LEPR: variants seen among roughly 807,000 people sequenced by gnomAD.
The protein encoded by LEPR is OB receptor.
A neutral mutation model predicts 114.7 loss-of-function variants in LEPR; 56 were observed. The ratio of observed to expected loss-of-function variants is 0.49; its 90% CI spans 0.39 to 0.61. The LOEUF (loss-of-function observed/expected upper bound fraction) is 0.61. Ranked by LOEUF, LEPR falls within the 20% of genes least tolerant of loss-of-function variation. LEPR has a pLI of 0.00. For synonymous variants in LEPR, 443 were observed against 461.4 expected (o/e 0.96, Z 0.51); for missense variants, 1,202 against 1,352.9 (o/e 0.89, Z 1.75).
At chr1:65,554,311 A>ACATT in intron 2 of LEPR, among the ~76,000 whole-genome samples, 1 of 152,142 alleles carries the variant, frequency 6.6e-6, no homozygotes, top group African/African-American at 2.4e-5. Flanking sequence ...GTCCACAGCC[A>ACATT]CATTCTTCCC....
At chr1:65,440,592 A>C (rs928468486) in intron 2 of LEPR, among the ~76,000 whole-genome samples, 6 of 152,170 alleles carry the variant, frequency 3.9e-5, no homozygotes, top group Non-Finnish European at 7.3e-5. Flanking sequence ...GGAGGCGGCA[A>C]TGGGCAAGAT....
At chr1:65,565,670 A>G (rs1014974219) in intron 3 of LEPR, 65 bp downstream of exon 3, 3 of 1,562,886 alleles carry the variant, frequency 1.9e-6, no homozygotes, top group Non-Finnish European at 2.6e-6. Context: ...GCCTTTAGAG[A>G]TGCTGTTTTA....
At chr1:65,434,297 A>G (rs1646528186) in intron 2 of LEPR, 1 of 984,258 alleles carries the variant, frequency 1.0e-6, no homozygotes, top group Middle Eastern at 5.2e-4. Flanking sequence ...CAAATGTTGG[A>G]CATTTTTTTC....
In LEPR at chr1:65,420,679, GC is replaced by G; in HGVS notation, c.-156del. The G allele has an allele frequency of 6.4e-7, 1 of 1,565,090 alleles. No homozygotes were observed. The stretch of plus-strand genomic sequence containing the variant: ...GGTCTGGCTTGGGCAGGCTGCCCGG[GC>G]CGTGGCAGGAAGCCGGAAGCAGCCG... On this transcript the variant is annotated 5_prime_UTR_variant, in exon 1 of 20. Coordinates refer to ENST00000349533, the MANE Select transcript of LEPR (RefSeq NM_002303.6).
At chr1:65,490,122 A>G (rs1647786360) in intron 2 of LEPR, among the ~76,000 whole-genome samples, 1 of 152,046 alleles carries the variant, frequency 6.6e-6, no homozygotes, top group Non-Finnish European at 1.5e-5. Context: ...GATTATAGTG[A>G]TTACTGTGAG....
intron 2 of LEPR, among the ~76,000 whole-genome samples, chr1:65,440,369 T>A (rs976359825): frequency 6.6e-6 from 1 of 151,976 alleles, no homozygotes; most frequent in Non-Finnish European, 1.5e-5. Context: ...CTTTTTTTTT[T>A]TTTGGTAGGG....
intron 2 of LEPR, among the ~76,000 whole-genome samples, chr1:65,469,134 C>G (rs1647052209): frequency 6.6e-6 from 1 of 152,122 alleles, no homozygotes; most frequent in Non-Finnish European, 1.5e-5. Flanking sequence ...GCACACAGTC[C>G]ATACCACCAG....
intron 14 of LEPR, among the ~76,000 whole-genome samples, chr1:65,611,656 G>T (rs1570813773): frequency 6.6e-6 from 1 of 152,186 alleles, no homozygotes; most frequent in East Asian, 1.9e-4. Flanking sequence ...CAAAACAGTT[G>T]TCTTTCTCCA....
chr1:65,599,467 A>G (rs1469900347), intron 8 of LEPR, among the ~76,000 whole-genome samples: 2 of 152,176 alleles, frequency 1.3e-5, no homozygotes, highest in Admixed American at 6.5e-5. Flanking sequence ...TATGGCCTGT[A>G]CAGAGATAAC....
At chr1:65,464,297 C>G (rs1388600277) in intron 2 of LEPR, among the ~76,000 whole-genome samples, 1 of 152,120 alleles carries the variant, frequency 6.6e-6, no homozygotes, top group Non-Finnish European at 1.5e-5. Flanking sequence ...TGGATTTTGT[C>G]TTTGGTCCTG....
intron 2 of LEPR, among the ~76,000 whole-genome samples, chr1:65,519,769 A>G (rs1649533962): frequency 6.6e-6 from 1 of 151,998 alleles, no homozygotes; most frequent in South Asian, 2.1e-4. Flanking sequence ...TTTGAGTTTG[A>G]GCAATCCTCA....
intron 2 of LEPR, among the ~76,000 whole-genome samples, chr1:65,455,213 T>G (rs1162741741): frequency 6.6e-6 from 1 of 152,206 alleles, no homozygotes; most frequent in African/African-American, 2.4e-5. Context: ...TTCAACTTCT[T>G]TGCCTTTGGT....
At chr1:65,439,411 G>T (rs1324291988) in intron 2 of LEPR, among the ~76,000 whole-genome samples, 2 of 152,010 alleles carry the variant, frequency 1.3e-5, no homozygotes, top group Non-Finnish European at 2.9e-5. Context: ...TGATGTTAAG[G>T]AAAAAATAAA....
chr1:65,479,961 G>T (rs1413649997), intron 2 of LEPR, among the ~76,000 whole-genome samples: 3 of 152,158 alleles, frequency 2.0e-5, no homozygotes, highest in African/African-American at 4.8e-5. Flanking sequence ...ACTCTGTCAG[G>T]TGGAAGGAAC....
At chr1:65,617,851 A>G in intron 15 of LEPR, 113 bp from the exon 16 acceptor site, 1 of 1,050,734 alleles carries the variant, frequency 9.5e-7, no homozygotes, top group Non-Finnish European at 1.3e-6. Context: ...ATTTGTGTAA[A>G]TTGTCTGTCT....
At position 65,623,102 on chromosome 1, in the gene LEPR, A is replaced by G. The variant is rs551822514; in HGVS notation, c.2673+121A>G. The G allele has an allele frequency of 1.4e-5, 13 of 956,070 alleles. No homozygotes were observed. The South Asian group carries it at 2.0e-4, about 15-fold the overall frequency. The allele number at this position is 956,070 out of a possible 1,614,324, so 59.2% of individuals were successfully genotyped here. A position where few individuals can be genotyped will look rare whatever the true frequency, so the allele number is the denominator to read the frequency against. ...GGTCATATTTTATTCAATTCATCTT[A>G]ATATATCTGTTATTATATACTTTCA... On this transcript the variant is annotated intron_variant, in intron 19 of 19. Transcript: ENST00000349533.
intron 2 of LEPR, among the ~76,000 whole-genome samples, chr1:65,488,159 CCTTTCTTTCTTTCTTTCTTTCTTT>C (rs71058410): frequency 7.6e-5 from 5 of 65,442 alleles, no homozygotes; most frequent in Non-Finnish European, 1.3e-4. Context: ...TTCCTTCCTT[CCTTTCTTTCTTTCTTTCTTTCTTT>C]CTTTCTTTCT....
chr1:65,514,327 C>T (rs573887016), intron 2 of LEPR, among the ~76,000 whole-genome samples: 2 of 152,202 alleles, frequency 1.3e-5, no homozygotes, highest in Non-Finnish European at 2.9e-5. Flanking sequence ...AGCAATTGGC[C>T]AGTGAAGAGC....
rs955752657 is a variant in LEPR, at chr1:65,420,759, C to A, written c.-97+19C>A. On this transcript the variant is annotated intron_variant, in intron 1 of 19. Transcript: ENST00000349533. ...GTTAAAGGTACATCGCGGTCCCCGG[C>A]TCGCTTGTCGTGTGGTGGGGTTGCC... is the stretch of plus-strand genomic sequence containing the variant. The A allele has an allele frequency of 6.3e-7, 1 of 1,577,208 alleles. No homozygotes were observed. The highest frequency in any genetic ancestry group is 8.6e-7 in the Non-Finnish European group (1 of 1,163,250).
Sources: allele counts gnomAD v4.1 joint callset (sites outside exome capture counted in the v4.1 genomes callset), GRCh38; gene constraint gnomAD v4.1.1; transcripts MANE v1.5; gene names NCBI Gene and HGNC (gene_info 2026-07-23, HGNC 2026-07-21).